The following ICA1 variants were observed in gnomAD, a reference collection of about 807,000 sequenced individuals.
ICA1 encodes 69 kDa islet cell autoantigen.
A neutral mutation model predicts 71.0 loss-of-function variants in ICA1; 40 were observed. That is an observed-to-expected ratio of 0.56 (90% CI 0.44 to 0.73). The LOEUF (loss-of-function observed/expected upper bound fraction) is 0.73. ICA1 is among the 30% of genes least tolerant of loss of function. The pLI is 0.00. For synonymous variants in ICA1, 207 were observed against 209.5 expected, an observed-to-expected ratio of 0.99 and a Z score of 0.10; for missense variants, 578 against 576.5, an observed-to-expected ratio of 1.00 and a Z score of -0.03.
intron 9 of ICA1, 76 bp from the exon 10 acceptor site, chr7:8,141,893 A>G: frequency 7.4e-7 from 1 of 1,342,330 alleles, no homozygotes; most frequent in Non-Finnish European, 1.0e-6. Flanking sequence ...TTTCAGTACA[A>G]TATTACTTCA....
At chr7:8,153,750 G>T (rs1584637075) in intron 8 of ICA1, among the ~76,000 whole-genome samples, 1 of 151,316 alleles carries the variant, frequency 6.6e-6, no homozygotes, top group East Asian at 1.9e-4. Context: ...CTAGCCCCAT[G>T]ACTCAATAAT....
At position 8,132,426 on chromosome 7, in the gene ICA1, C is replaced by T. The variant is rs1327041047; in HGVS notation, c.1061-4284G>A. Among the ~76,000 whole-genome samples the T allele has an allele frequency of 6.6e-6, 1 of 152,220 alleles. No individual in the cohort carries two copies. The highest frequency in any genetic ancestry group is 3.2e-3 in the Middle Eastern group (1 of 316). ...TTCTGGTTTCTTCTTCCTTCCACAACCACATACTCTACTTTGGCTCTACTC... is the reference window on the plus strand; with the variant it reads ...TTCTGGTTTCTTCTTCCTTCCACAATCACATACTCTACTTTGGCTCTACTC... On this transcript the variant is annotated intron_variant, in intron 12 of 13. Coordinates refer to ENST00000402384, the MANE Select transcript of ICA1 (RefSeq NM_001136020.3). The surrounding 1 kb of genome is among the most constrained non-coding windows in gnomAD (Gnocchi z 4.5).
chr7:8,177,619 T>C (rs1311150628), intron 6 of ICA1, among the ~76,000 whole-genome samples: 1 of 152,244 alleles, frequency 6.6e-6, no homozygotes, highest in Non-Finnish European at 1.5e-5. Context: ...AGCTGAAGAA[T>C]TTGCTTCTGT....
intron 12 of ICA1, among the ~76,000 whole-genome samples, chr7:8,135,724 G>C (rs765483972): frequency 2.6e-4 from 39 of 152,348 alleles, no homozygotes; most frequent in Middle Eastern, 6.8e-3. Flanking sequence ...TCTAGAAGTA[G>C]TAACCAAGGA....
At chr7:8,164,821 T>C (rs1265732045) in intron 6 of ICA1, among the ~76,000 whole-genome samples, 2 of 152,208 alleles carry the variant, frequency 1.3e-5, no homozygotes, top group African/African-American at 4.8e-5. Flanking sequence ...TGCATACTGG[T>C]AATCCCAGTA....
At chr7:8,115,470 C>A (rs1334358760) in intron 13 of ICA1, among the ~76,000 whole-genome samples, 3 of 152,182 alleles carry the variant, frequency 2.0e-5, no homozygotes, top group African/African-American at 7.2e-5. Context: ...AAAGATGCTA[C>A]ATGCTTGTTT....
chr7:8,157,358 A>T (rs10224158), intron 7 of ICA1, 144 bp from the exon 8 acceptor site: 809,308 of 821,856 alleles, frequency 0.98, 398,506 homozygotes, highest in East Asian at 1. Flanking sequence ...TATGCCCCCA[A>T]TTACACTCTG....
chr7:8,241,382 C>T (rs868194248), intron 1 of ICA1, among the ~76,000 whole-genome samples: 1 of 152,060 alleles, frequency 6.6e-6, no homozygotes, highest in Non-Finnish European at 1.5e-5. Flanking sequence ...TTTTTGTCAC[C>T]ACCAGGTCTA....
At chr7:8,121,384 G>A (rs1477748578) in intron 13 of ICA1, among the ~76,000 whole-genome samples, 2 of 152,200 alleles carry the variant, frequency 1.3e-5, no homozygotes, top group African/African-American at 2.4e-5. Context: ...TATGGGACCT[G>A]TTCCCATGAC....
At chr7:8,251,494 A>G (rs539275446) in intron 1 of ICA1, among the ~76,000 whole-genome samples, 2 of 149,992 alleles carry the variant, frequency 1.3e-5, no homozygotes, top group African/African-American at 4.9e-5. Context: ...AAAAAACTCA[A>G]ATTATTTTCA....
At chr7:8,172,292 C>T (rs971193109) in intron 6 of ICA1, among the ~76,000 whole-genome samples, 1 of 151,952 alleles carries the variant, frequency 6.6e-6, no homozygotes, top group Non-Finnish European at 1.5e-5. Flanking sequence ...ATTGTTATAT[C>T]CTTTTTATAA....
At chr7:8,184,909 T>C (rs1002338146) in intron 6 of ICA1, among the ~76,000 whole-genome samples, 1 of 152,050 alleles carries the variant, frequency 6.6e-6, no homozygotes, top group African/African-American at 2.4e-5. Context: ...ACCCCATCTT[T>C]ATTAAAATAC....
At chr7:8,158,339 A>C (rs918539621) in intron 7 of ICA1, 188 bp downstream of exon 7, 72 of 630,304 alleles carry the variant, frequency 1.1e-4, no homozygotes, top group Non-Finnish European at 1.6e-4. Context: ...TGGTATATAC[A>C]GGAAATAACT....
chr7:8,187,518 T>A (rs988055167), intron 6 of ICA1, among the ~76,000 whole-genome samples: 6 of 152,264 alleles, frequency 3.9e-5, no homozygotes, highest in Non-Finnish European at 8.8e-5. Flanking sequence ...TACACTACTT[T>A]AGACTGCATA....
At position 8,200,075 on chromosome 7, in the gene ICA1, T is replaced by C. The variant is rs537651497; in HGVS notation, c.579+18230A>G. Among the ~76,000 whole-genome samples, 73 of 152,320 alleles carry C rather than the reference T, an allele frequency of 4.8e-4. No homozygotes were observed. In the South Asian group the frequency reaches 0.015, roughly 31 times the overall value. ...TAAAAGAGTATAATTGAATTGTTTA[T>C]AACACAAAAGATAAATGCTTGAGGA... is the stretch of plus-strand genomic sequence containing the variant. On this transcript the variant is annotated intron_variant, in intron 6 of 13. Coordinates refer to ENST00000402384, the MANE Select transcript of ICA1 (RefSeq NM_001136020.3).
intron 6 of ICA1, among the ~76,000 whole-genome samples, chr7:8,188,761 G>A (rs968858995): frequency 1.3e-5 from 2 of 152,158 alleles, no homozygotes; most frequent in African/African-American, 4.8e-5. Context: ...GAGCAAGAGA[G>A]AACCTTTTTT....
chr7:8,197,549 A>G (rs1010900179), intron 6 of ICA1, among the ~76,000 whole-genome samples: 5 of 45,766 alleles, frequency 1.1e-4, no homozygotes, highest in South Asian at 3.0e-3. Context: ...TCGTCTCAGA[A>G]AAAAAAAAAA....
chr7:8,213,161 A>G (rs1794366231), intron 6 of ICA1, among the ~76,000 whole-genome samples: 1 of 152,264 alleles, frequency 6.6e-6, no homozygotes, highest in African/African-American at 2.4e-5. Flanking sequence ...ATGGCGAGTT[A>G]TGAAACAAAT....
intron 6 of ICA1, among the ~76,000 whole-genome samples, chr7:8,211,002 G>C (rs1425434844): frequency 6.6e-6 from 1 of 152,186 alleles, no homozygotes; most frequent in African/African-American, 2.4e-5. Flanking sequence ...CCTGCACTTT[G>C]GGTTGGAGGA....
Sources: gnomAD v4.1 joint callset for allele counts (sites outside exome capture counted in the v4.1 genomes callset) on GRCh38, gnomAD v4.1.1 for gene constraint, Gnocchi (gnomAD v3.1) non-coding constraint, MANE v1.5 for transcripts, NCBI Gene and HGNC (gene_info 2026-07-23, HGNC 2026-07-21) for gene names.